Variants in PKD1L1 observed in about 807,000 individuals in gnomAD.
PKD1L1 encodes the protein polycystin-1-like protein 1.
PKD1L1 carries 236 observed loss-of-function variants against 323.4 expected under a neutral mutation model. The ratio of observed to expected loss-of-function variants is 0.73; its 90% CI spans 0.66 to 0.81. The LOEUF (loss-of-function observed/expected upper bound fraction) is 0.81. Ranked by LOEUF, PKD1L1 falls within the 40% of genes least tolerant of loss-of-function variation. The pLI is 0.00. For synonymous variants in PKD1L1, 1,344 were observed against 1,335.0 expected (o/e 1.01, Z -0.15); for missense variants, 3,320 against 3,508.0 (o/e 0.95, Z 1.35).
chr7:47,922,395 C>T (rs1279520115), intron 7 of PKD1L1, among the ~76,000 whole-genome samples: 1 of 151,686 alleles, frequency 6.6e-6, no homozygotes, highest in Non-Finnish European at 1.5e-5. Context: ...GTGAGGAGCC[C>T]CTCTGCCCGC....
chr7:47,906,321 G>A (rs1787206041), intron 9 of PKD1L1, among the ~76,000 whole-genome samples: 1 of 152,190 alleles, frequency 6.6e-6, no homozygotes, highest in African/African-American at 2.4e-5. Context: ...CTTAAATAGG[G>A]GTCTAATAAG....
chr7:47,842,884 C>A, intron 34 of PKD1L1, 78 bp downstream of exon 34: 1 of 1,373,792 alleles, frequency 7.3e-7, no homozygotes, highest in East Asian at 2.3e-5. Context: ...GACGGGGCAG[C>A]CAAATCACCA....
intron 45 of PKD1L1, among the ~76,000 whole-genome samples, chr7:47,826,692 G>C (rs1408578098): frequency 1.3e-5 from 2 of 152,162 alleles, no homozygotes; most frequent in African/African-American, 4.8e-5. Flanking sequence ...GGCTCCTTGT[G>C]GTGGCTGCCA....
At chr7:47,880,280 A>ATTTTTTTTTTTTTT (rs1380647150) in intron 21 of PKD1L1, among the ~76,000 whole-genome samples, 15 of 71,534 alleles carry the variant, frequency 2.1e-4, no homozygotes, top group Middle Eastern at 7.0e-3. Context: ...ATATATATAT[A>ATTTTTTTTTTTTTT]TATATTTTTT....
upstream of PKD1L1, among the ~76,000 whole-genome samples, chr7:47,950,855 C>T (rs544225611): frequency 5.9e-5 from 9 of 152,162 alleles, no homozygotes; most frequent in East Asian, 1.9e-4. Flanking sequence ...CGCCTTTTTC[C>T]GGGCAGTGCG....
intron 32 of PKD1L1, 125 bp downstream of exon 32, chr7:47,846,754 A>G: frequency 1.1e-6 from 1 of 879,044 alleles, no homozygotes; most frequent in Non-Finnish European, 1.7e-6. Flanking sequence ...AGAGTTGTAC[A>G]AACCAAGAGA....
At chr7:47,928,156 AAGTAGAAGGCAGT>A (rs1174550229) in intron 7 of PKD1L1, among the ~76,000 whole-genome samples, 1 of 152,264 alleles carries the variant, frequency 6.6e-6, no homozygotes, top group African/African-American at 2.4e-5. Flanking sequence ...AAGATATAAG[AAGTAGAAGGCAGT>A]AGTTGACTGT....
chr7:47,788,297 T>C (rs1584943297), intron 56 of PKD1L1, among the ~76,000 whole-genome samples: 1 of 150,578 alleles, frequency 6.6e-6, no homozygotes, highest in East Asian at 1.9e-4. Context: ...ATTTTTATTT[T>C]ATTCATATAT....
At position 47,887,991 on chromosome 7, in the gene PKD1L1, T is replaced by G. The variant is rs1583650209; in HGVS notation, c.2835A>C (p.Glu945Asp). The stretch of plus-strand genomic sequence containing the variant: ...AATAAAGCTATTAATCCTTTTTACC[T>G]TCTATCCTATTCTTTTCTGTTGCAT... ...LVNATEKNRI[E>D]VPFCRVVGLL... is the part of the protein sequence containing the mutation. Residue 945 changes from glutamate (E) to aspartate (D), a missense_variant and splice_region_variant, in exon 17 of 57, where the codon GAA becomes GAC. Coordinates refer to ENST00000289672, the MANE Select transcript of PKD1L1 (RefSeq NM_138295.5). 2.5e-6 allele frequency: 4 copies of G among 1,610,658 alleles called. No homozygotes were observed. The highest frequency in any genetic ancestry group is 2.5e-6 in the Non-Finnish European group (3 of 1,178,274).
At chr7:47,820,551 C>G (rs1247300200) in intron 46 of PKD1L1, among the ~76,000 whole-genome samples, 1 of 152,050 alleles carries the variant, frequency 6.6e-6, no homozygotes. Flanking sequence ...ATGGTGAAAC[C>G]CCATCTCTGC....
chr7:47,899,955 C>CAAAAAAAAAAAAAAAAA (rs10639721), intron 13 of PKD1L1, among the ~76,000 whole-genome samples: 31 of 106,454 alleles, frequency 2.9e-4, no homozygotes, highest in South Asian at 9.3e-4. Context: ...GACTCCATCC[C>CAAAAAAAAAAAAAAAAA]AAAAAAAAAA....
rs906612408 is a variant in PKD1L1, at chr7:47,902,376, T to C, written c.2064+3A>G. 1.2e-6 allele frequency: 2 copies of C among 1,613,986 alleles called. No homozygotes were observed. The highest frequency in any genetic ancestry group is 1.1e-5 in the South Asian group (1 of 91,028). On this transcript the variant is annotated splice_donor_region_variant and intron_variant, in intron 13 of 56. Transcript: ENST00000289672. ...TGGAGGATTTCCCAGACTCCGAGCC[T>C]ACCTGGACTTTCCCAGGCCCCATGT...
rs373406365 is a variant in PKD1L1, at chr7:47,917,887, G to A, written c.1061-2288C>T. 7.9e-5 allele frequency among the ~76,000 whole-genome samples: 12 copies of A among 151,888 alleles called. No individual in the cohort carries two copies. In the East Asian group the frequency reaches 1.4e-3, roughly 17 times the overall value. On this transcript the variant is annotated intron_variant, in intron 7 of 56. Transcript: ENST00000289672. ...CCTCTTTAAAGCATAAATCTCACAG[G>A]ACCTATAAAACAAAACTACAATTAA...
At chr7:47,883,967 T>C (rs549975948) in intron 19 of PKD1L1, among the ~76,000 whole-genome samples, 1 of 152,332 alleles carries the variant, frequency 6.6e-6, no homozygotes, top group East Asian at 1.9e-4. Flanking sequence ...TGATCATCAA[T>C]TCATTCTACA....
Position 47,800,721 on chromosome 7 carries a change from C to T in PKD1L1, c.8121G>A (p.Lys2707=). The change falls in exon 54 of 57, where the codon AAG becomes AAA. Residue 2707 remains lysine (K), a synonymous_variant. Transcript: ENST00000289672. ...SQKDCLLGLS[K]SDQRAMACYF... is the part of the protein sequence containing the mutation. ...AACAAGCCATGGCCCGCTGGTCAGA[C>T]TTGGAAAGGCCAAGGAGGCAGTCTT... is the stretch of plus-strand genomic sequence containing the variant. The T allele has an allele frequency of 1.2e-6, 2 of 1,614,186 alleles. No individual in the cohort carries two copies. Among genetic ancestry groups the T allele is most frequent in the Non-Finnish European group, 1.7e-6 (2 of 1,180,038 alleles).
rs17659820 is a variant in PKD1L1, at chr7:47,820,912, C to T, written c.6965+164G>A. On this transcript the variant is annotated intron_variant, in intron 46 of 56. Coordinates refer to ENST00000289672, the MANE Select transcript of PKD1L1 (RefSeq NM_138295.5). Reference sequence around the variant, plus strand: ...TTTACCCCAAACGAGATGCTAAGAACGTGTCCAAAGTCTGTGAATGGAAGG... The same window carrying T: ...TTTACCCCAAACGAGATGCTAAGAATGTGTCCAAAGTCTGTGAATGGAAGG... 0.055 allele frequency among the ~76,000 whole-genome samples: 8,435 copies of T among 152,148 alleles called. 286 individuals are homozygous for T. The highest frequency in any genetic ancestry group is 0.13 in the South Asian group (613 of 4,822).
At chr7:47,812,652 TG>T (rs1784925785) in intron 49 of PKD1L1, among the ~76,000 whole-genome samples, 1 of 152,144 alleles carries the variant, frequency 6.6e-6, no homozygotes, top group African/African-American at 2.4e-5. Flanking sequence ...GACAACAGTG[TG>T]ACTGGCTGGA....
At chr7:47,818,251 G>A in intron 46 of PKD1L1, 8 of 1,279,070 alleles carry the variant, frequency 6.3e-6, no homozygotes, top group Non-Finnish European at 8.2e-6. Flanking sequence ...GAATGAGCCA[G>A]GGGGCACAGA....
At chr7:47,884,182 G>T (rs1383882645) in intron 19 of PKD1L1, among the ~76,000 whole-genome samples, 2 of 149,914 alleles carry the variant, frequency 1.3e-5, no homozygotes, top group Non-Finnish European at 3.0e-5. Context: ...GGGTTGGGGG[G>T]AAGGCGGGGG....
Sources: gnomAD v4.1 joint callset for allele counts (sites outside exome capture counted in the v4.1 genomes callset) on GRCh38, gnomAD v4.1.1 for gene constraint, MANE v1.5 for transcripts, NCBI Gene and HGNC (gene_info 2026-07-23, HGNC 2026-07-21) for gene names.